The following INPP5B variants were observed in gnomAD, a reference collection of about 807,000 sequenced individuals.
INPP5B encodes the protein inositol polyphosphate-5-phosphatase B.
Under a neutral mutation model 118.5 loss-of-function variants are expected in INPP5B, and 90 were observed. The observed-to-expected ratio is 0.76, with a 90% CI of 0.64 to 0.90. INPP5B has a LOEUF of 0.90. INPP5B is among the 40% of genes least tolerant of loss of function. The pLI is 0.00. For synonymous variants in INPP5B, 385 were observed against 418.9 expected (o/e 0.92, Z 0.99); for missense variants, 984 against 1,125.6 (o/e 0.87, Z 1.80).
intron 20 of INPP5B, 139 bp downstream of exon 20, chr1:37,868,362 T>C: frequency 1.7e-6 from 1 of 590,250 alleles, no homozygotes; most frequent in Non-Finnish European, 3.0e-6. Context: ...GTGTGAAACA[T>C]GGCATACTAT....
intron 21 of INPP5B, 172 bp from the exon 22 acceptor site, chr1:37,866,060 C>T (rs1423268661): frequency 9.5e-6 from 6 of 634,116 alleles, no homozygotes; most frequent in Non-Finnish European, 1.2e-5. Context: ...TGAGCCAGGC[C>T]CTCCTGAGTT....
Position 37,889,645 on chromosome 1 carries a change from A to G in INPP5B, c.709T>C (p.Ser237Pro). The G allele has an allele frequency of 1.2e-6, 2 of 1,613,892 alleles. No individual in the cohort carries two copies. Among genetic ancestry groups the G allele is most frequent in the Non-Finnish European group, 1.7e-6 (2 of 1,179,792 alleles). The change falls in exon 9 of 24, where the codon TCC (serine) becomes CCC (proline). Residue 237 changes from serine to proline, a missense_variant. Coordinates refer to ENST00000373024, the MANE Select transcript of INPP5B (RefSeq NM_005540.3). ...TCTCGCAGTCCAAACTTCTGCATGG[A>G]TAAAATATGAGCCTTGTCCGACACT... Reference protein sequence around the residue: ...ITVSDKAHILSMQKFGLRDTI... With the variant: ...ITVSDKAHILPMQKFGLRDTI...
At chr1:37,910,566 T>C (rs1368953508) in intron 7 of INPP5B, among the ~76,000 whole-genome samples, 2 of 151,956 alleles carry the variant, frequency 1.3e-5, no homozygotes, top group African/African-American at 4.8e-5. Context: ...CTCTACTCCC[T>C]CCTTGGCAAC....
At chr1:37,889,754 G>A in intron 8 of INPP5B, 30 bp from the exon 9 acceptor site, 1 of 1,552,238 alleles carries the variant, frequency 6.4e-7, no homozygotes, top group South Asian at 1.2e-5. Context: ...TTTTTCATAT[G>A]TGGATGAGTC....
At chr1:37,940,903 C>T in intron 5 of INPP5B, 105 bp from the exon 6 acceptor site, 2 of 713,042 alleles carry the variant, frequency 2.8e-6, no homozygotes. Context: ...TCCCAAAGCC[C>T]CTTCAGCCCT....
At chr1:37,931,443 C>T in intron 7 of INPP5B, 11 of 1,527,238 alleles carry the variant, frequency 7.2e-6, no homozygotes, top group Non-Finnish European at 9.6e-6. Context: ...AAACCCCAGC[C>T]TCCGGATTCC....
chr1:37,894,869 T>A (rs1271269338), intron 7 of INPP5B, among the ~76,000 whole-genome samples: 1 of 152,214 alleles, frequency 6.6e-6, no homozygotes, highest in Non-Finnish European at 1.5e-5. Flanking sequence ...TTTAAATACG[T>A]AACATCCAAG....
intron 16 of INPP5B, among the ~76,000 whole-genome samples, chr1:37,876,450 T>C (rs1642811972): frequency 6.8e-6 from 1 of 146,842 alleles, no homozygotes. Context: ...AGAAGGCTCA[T>C]GCCTGTAATC....
At position 37,882,299 on chromosome 1, in the gene INPP5B, C is replaced by T. The variant is rs74665652; in HGVS notation, c.1431+508G>A. ...CAGATTCTCTTGTACTGTGAAACAG[C>T]GAGTGCTCTGAGAAGGAAACGCTAC... On this transcript the variant is annotated intron_variant, in intron 14 of 23. Transcript: ENST00000373024. Among the ~76,000 whole-genome samples the T allele has an allele frequency of 2.0e-5, 3 of 152,140 alleles. No individual in the cohort carries two copies. In the East Asian group the frequency reaches 5.8e-4, roughly 29 times the overall value.
At chr1:37,914,785 T>C (rs781137563) in intron 7 of INPP5B, among the ~76,000 whole-genome samples, 1 of 152,174 alleles carries the variant, frequency 6.6e-6, no homozygotes, top group Non-Finnish European at 1.5e-5. Context: ...TTCTTATCTG[T>C]CTTACCTCTA....
intron 7 of INPP5B, among the ~76,000 whole-genome samples, chr1:37,905,919 A>G (rs1644488078): frequency 6.6e-6 from 1 of 152,184 alleles, no homozygotes; most frequent in South Asian, 2.1e-4. Context: ...ACATCTTTTA[A>G]AAATTGAGTA....
At chr1:37,928,990 C>T (rs897776887) in intron 7 of INPP5B, 4 of 152,126 alleles carry the variant, frequency 2.6e-5, no homozygotes, top group Non-Finnish European at 5.9e-5. Flanking sequence ...GCCAGAACAA[C>T]TCTGGAAACA....
chr1:37,896,424 G>A (rs1282596053), intron 7 of INPP5B, among the ~76,000 whole-genome samples: 1 of 151,440 alleles, frequency 6.6e-6, no homozygotes, highest in African/African-American at 2.4e-5. Context: ...AGGGAGGTGG[G>A]GGGGTCAGCC....
rs1036238983 is a variant in INPP5B at position 37,862,214 on chromosome 1, C to A, written c.*101G>T. 20 of 749,980 alleles carry A rather than the reference C, an allele frequency of 2.7e-5. No individual in the cohort carries two copies. Among genetic ancestry groups the A allele is most frequent in the Admixed American group, 1.3e-4 (6 of 44,820 alleles). 46.5% of individuals were successfully genotyped at this position (749,980 alleles called of 1,614,324 possible). ...GCTCAGGAAATAGCTGCCATTCTTG[C>A]TACCAAGTGGCCTCACATAATTATC... On this transcript the variant is annotated 3_prime_UTR_variant, in exon 24 of 24. Coordinates refer to ENST00000373024, the MANE Select transcript of INPP5B (RefSeq NM_005540.3).
intron 16 of INPP5B, among the ~76,000 whole-genome samples, chr1:37,876,091 A>G (rs188197324): frequency 3.6e-4 from 54 of 149,140 alleles, no homozygotes; most frequent in Non-Finnish European, 4.2e-4. Flanking sequence ...GATTTAAAGC[A>G]GTGTTTCTCA....
intron 7 of INPP5B, among the ~76,000 whole-genome samples, chr1:37,920,814 C>G (rs1280829349): frequency 6.6e-6 from 1 of 151,332 alleles, no homozygotes; most frequent in African/African-American, 2.4e-5. Flanking sequence ...AGCTGAAAAA[C>G]AGAGATCCTC....
At chr1:37,908,482 T>C (rs994724788) in intron 7 of INPP5B, among the ~76,000 whole-genome samples, 48 of 150,966 alleles carry the variant, frequency 3.2e-4, no homozygotes, top group African/African-American at 1.2e-3. Flanking sequence ...ACGCCTGCAA[T>C]CCCAGCTCTC....
At chr1:37,897,787 TAA>T (rs1644178606) in intron 7 of INPP5B, among the ~76,000 whole-genome samples, 1 of 151,498 alleles carries the variant, frequency 6.6e-6, no homozygotes, top group Non-Finnish European at 1.5e-5. Flanking sequence ...AAAAATAAAA[TAA>T]GATAAAAGTA....
At chr1:37,865,583 T>G (rs1173449399) in intron 22 of INPP5B, among the ~76,000 whole-genome samples, 178 bp downstream of exon 22, 3 of 152,118 alleles carry the variant, frequency 2.0e-5, no homozygotes, top group Non-Finnish European at 4.4e-5. Context: ...GTTGACTCAC[T>G]GGAATTAAGG....
Sources: allele counts gnomAD v4.1 joint callset (sites outside exome capture counted in the v4.1 genomes callset), GRCh38; gene constraint gnomAD v4.1.1; transcripts MANE v1.5; gene names NCBI Gene and HGNC (gene_info 2026-07-23, HGNC 2026-07-21).